The following FAM227B variants were observed in gnomAD, a reference collection of about 807,000 sequenced individuals.
The protein encoded by FAM227B is family with sequence similarity 227 member B, also known as protein FAM227B.
In FAM227B, 88 loss-of-function variants were observed where a neutral mutation model predicts 73.8. The observed-to-expected ratio is 1.19, with a 90% CI of 1.00 to 1.42. FAM227B has a LOEUF of 1.42. FAM227B is among the 40% of genes most tolerant of loss of function. The pLI, the probability that FAM227B is intolerant of heterozygous loss-of-function variation, is 0.00. For synonymous variants in FAM227B, 210 were observed against 190.5 expected, an observed-to-expected ratio of 1.10 and a Z score of -0.84; for missense variants, 632 against 590.9, an observed-to-expected ratio of 1.07 and a Z score of -0.72.
chr15:49,418,780 A>G (rs1267797101), intron 11 of FAM227B, among the ~76,000 whole-genome samples: 2 of 151,258 alleles, frequency 1.3e-5, no homozygotes, highest in African/African-American at 4.8e-5. Flanking sequence ...AACCTAAAAG[A>G]TCAAAAAAAG....
chr15:49,534,143 A>G (rs2060830297), intron 10 of FAM227B, among the ~76,000 whole-genome samples: 1 of 151,860 alleles, frequency 6.6e-6, no homozygotes, highest in African/African-American at 2.4e-5. Context: ...ATCATTTCCC[A>G]TGAGAACCAT....
chr15:49,366,459 A>T, intron 13 of FAM227B: 1 of 995,996 alleles, frequency 1.0e-6, no homozygotes, highest in Non-Finnish European at 1.6e-6. Context: ...GGAACATCAG[A>T]AAGGTTGCAT....
At chr15:49,584,145 C>T (rs571534316) in intron 5 of FAM227B, among the ~76,000 whole-genome samples, 1 of 152,278 alleles carries the variant, frequency 6.6e-6, no homozygotes, top group African/African-American at 2.4e-5. Context: ...TCCAGCAGTA[C>T]ATCAAAAAGC....
At chr15:49,573,196 T>C (rs1273387631) in intron 8 of FAM227B, among the ~76,000 whole-genome samples, 2 of 151,930 alleles carry the variant, frequency 1.3e-5, no homozygotes, top group African/African-American at 2.4e-5. Flanking sequence ...TGATCCATGG[T>C]AACTGAGAAT....
intron 10 of FAM227B, among the ~76,000 whole-genome samples, chr15:49,528,300 A>G (rs538002244): frequency 6.6e-6 from 1 of 151,946 alleles, no homozygotes; most frequent in Non-Finnish European, 1.5e-5. Flanking sequence ...AGCCATATGC[A>G]GAAAACGAAA....
At chr15:49,437,976 G>T (rs1022304650) in intron 11 of FAM227B, among the ~76,000 whole-genome samples, 2 of 151,644 alleles carry the variant, frequency 1.3e-5, no homozygotes, top group African/African-American at 4.8e-5. Flanking sequence ...AGTGAATCAG[G>T]CTAGAGAAGA....
At chr15:49,551,289 G>A (rs1169865606) in intron 9 of FAM227B, among the ~76,000 whole-genome samples, 1 of 146,882 alleles carries the variant, frequency 6.8e-6, no homozygotes, top group African/African-American at 2.5e-5. Context: ...GAGAGGGAGA[G>A]GACGCATATG....
chr15:49,426,740 G>A (rs1446494674), intron 11 of FAM227B, among the ~76,000 whole-genome samples: 1 of 151,664 alleles, frequency 6.6e-6, no homozygotes, highest in African/African-American at 2.4e-5. Context: ...AAAGGAAGTC[G>A]CCCTATATTG....
At chr15:49,402,028 A>C (rs1250220888) in intron 11 of FAM227B, among the ~76,000 whole-genome samples, 1 of 152,148 alleles carries the variant, frequency 6.6e-6, no homozygotes, top group Non-Finnish European at 1.5e-5. Context: ...AAATCTTACC[A>C]AAACTGCATT....
chr15:49,532,530 T>C (rs1419617471), intron 10 of FAM227B, among the ~76,000 whole-genome samples: 1 of 151,666 alleles, frequency 6.6e-6, no homozygotes, highest in African/African-American at 2.4e-5. Flanking sequence ...ATTGTTTCTT[T>C]GGTGGAAAAT....
chr15:49,424,821 C>G (rs1329770018), intron 11 of FAM227B: 2 of 308,362 alleles, frequency 6.5e-6, no homozygotes, highest in African/African-American at 4.3e-5. Flanking sequence ...AAAATATATA[C>G]TCCTTGTCCT....
chr15:49,566,155 G>A (rs1237105463), intron 9 of FAM227B, among the ~76,000 whole-genome samples: 1 of 152,212 alleles, frequency 6.6e-6, no homozygotes, highest in African/African-American at 2.4e-5. Context: ...AAATTTGCTG[G>A]TAAGTGATGG....
chr15:49,607,616 T>C (rs1487938483), intron 3 of FAM227B, among the ~76,000 whole-genome samples: 2 of 152,208 alleles, frequency 1.3e-5, no homozygotes, highest in Non-Finnish European at 2.9e-5. Flanking sequence ...GTCAGACTTG[T>C]TATATCACAA....
intron 13 of FAM227B, among the ~76,000 whole-genome samples, chr15:49,364,693 T>C (rs558648142): frequency 8.3e-4 from 127 of 152,318 alleles, no homozygotes; most frequent in African/African-American, 3.0e-3. Flanking sequence ...AACTGCCTTC[T>C]TGCATGGTCT....
At chr15:49,334,158 T>G in intron 14 of FAM227B, 1 of 685,272 alleles carries the variant, frequency 1.5e-6, no homozygotes, top group Non-Finnish European at 1.8e-6. Context: ...TGTGGTTTTA[T>G]GTAACATCTC....
At chr15:49,571,397 A>G (rs1244736330) in intron 8 of FAM227B, among the ~76,000 whole-genome samples, 1 of 151,852 alleles carries the variant, frequency 6.6e-6, no homozygotes, top group Non-Finnish European at 1.5e-5. Flanking sequence ...TGTTGCCTGT[A>G]CATTTGGCTT....
Position 49,508,264 on chromosome 15 carries a change from G to A in FAM227B, c.959C>T (p.Pro320Leu). 1 of 1,610,926 alleles carries A rather than the reference G, an allele frequency of 6.2e-7. No homozygotes were observed. Among genetic ancestry groups the A allele is most frequent in the Non-Finnish European group, 8.5e-7 (1 of 1,178,662 alleles). ...TTTIHGSKKA[P>L]AKSVKERIAD... ...AATTCTTTCCTTTACTGATTTTGCA[G>A]GTGCTTTTTTGCTACCATGAATGGT... Residue 320 changes from proline to leucine, a missense_variant, in exon 11 of 16, where the codon CCT becomes CTT. Coordinates refer to ENST00000299338, the MANE Select transcript of FAM227B (RefSeq NM_152647.3).
At chr15:49,534,546 C>A (rs1387721614) in intron 10 of FAM227B, among the ~76,000 whole-genome samples, 1 of 127,476 alleles carries the variant, frequency 7.8e-6, no homozygotes, top group South Asian at 2.7e-4. Context: ...ACTCTGCTTT[C>A]AACACTGGAT....
At chr15:49,353,518 T>C (rs968479993) in intron 13 of FAM227B, 2 of 152,108 alleles carry the variant, frequency 1.3e-5, no homozygotes, top group African/African-American at 4.8e-5. Flanking sequence ...TCACATTTCA[T>C]CAAGTTAACG....
Sources: gnomAD v4.1 joint callset for allele counts (sites outside exome capture counted in the v4.1 genomes callset) on GRCh38, gnomAD v4.1.1 for gene constraint, MANE v1.5 for transcripts, NCBI Gene and HGNC (gene_info 2026-07-23, HGNC 2026-07-21) for gene names.